The following SWAP70 variants were observed in gnomAD, a reference collection of about 807,000 sequenced individuals.
SWAP70 encodes switching B cell complex subunit SWAP70.
Under a neutral mutation model 80.2 loss-of-function variants are expected in SWAP70, and 34 were observed. The ratio of observed to expected loss-of-function variants is 0.42; its 90% confidence interval spans 0.32 to 0.56. The LOEUF (loss-of-function observed/expected upper bound fraction) is 0.56. Among genes scored for constraint, SWAP70 ranks in the 20% least tolerant of loss-of-function variants. The probability of loss-of-function intolerance (pLI) is 0.09; values close to 1 mark genes in which losing one functional copy is unlikely to be tolerated. For missense variants in SWAP70, 578 were observed against 690.7 expected (o/e 0.84, Z 1.83); for synonymous variants, 239 against 238.5 (o/e 1.00, Z -0.02).
chr11:9,738,023 T>G (rs1431249325), intron 7 of SWAP70, among the ~76,000 whole-genome samples, 190 bp from the exon 8 acceptor site: 2 of 152,280 alleles, frequency 1.3e-5, no homozygotes, highest in African/African-American at 4.8e-5. Context: ...TTACCTAATT[T>G]ATTTTGTATG....
chr11:9,711,018 T>TTATTTTTG (rs1363548220), intron 2 of SWAP70, among the ~76,000 whole-genome samples: 1 of 151,032 alleles, frequency 6.6e-6, no homozygotes, highest in Non-Finnish European at 1.5e-5. Context: ...ATTTATTTAT[T>TTATTTTTG]TATTTTTGTA....
At chr11:9,691,889 A>T (rs1850701791) in intron 1 of SWAP70, among the ~76,000 whole-genome samples, 1 of 152,142 alleles carries the variant, frequency 6.6e-6, no homozygotes, top group Non-Finnish European at 1.5e-5. Flanking sequence ...AAGGCTTTGG[A>T]TTAATCAGCT....
chr11:9,700,203 T>C (rs908408572), intron 2 of SWAP70, among the ~76,000 whole-genome samples: 1 of 152,110 alleles, frequency 6.6e-6, no homozygotes, highest in African/African-American at 2.4e-5. Context: ...GTTTTAAAAG[T>C]CAAAAATGAG....
chr11:9,687,708 T>G (rs1850649646), intron 1 of SWAP70, among the ~76,000 whole-genome samples: 1 of 152,206 alleles, frequency 6.6e-6, no homozygotes, highest in African/African-American at 2.4e-5. Flanking sequence ...TACTTTTCCT[T>G]AATCTGTCTG....
At chr11:9,711,393 G>T (rs1243631676) in intron 2 of SWAP70, among the ~76,000 whole-genome samples, 1 of 151,688 alleles carries the variant, frequency 6.6e-6, no homozygotes, top group Non-Finnish European at 1.5e-5. Context: ...TGCCTTTTAT[G>T]TGTGTGTGTG....
Position 9,687,631 on chromosome 11 carries a change from C to T in SWAP70, c.100-6515C>T, listed in dbSNP as rs904402204. Among the ~76,000 whole-genome samples, 3 of 152,166 alleles carry T rather than the reference C, an allele frequency of 2.0e-5. No homozygotes were observed. The South Asian group carries it at 6.2e-4, about 32-fold the overall frequency. On this transcript the variant is annotated intron_variant, in intron 1 of 11. Coordinates refer to ENST00000318950, the MANE Select transcript of SWAP70 (RefSeq NM_015055.4). ...GGTTCAGTTAGAGTGTAATCCAGTG[C>T]CATCCATGCTGTATGACATCAGTGG...
Position 9,728,180 on chromosome 11 carries a change from A to T in SWAP70, c.770A>T (p.Asp257Val). ...GATAAGAAAGGAGACATTCTCTTGG[A>T]TGAAAATTGCTGTGTAGAGGTGAGT... is the stretch of plus-strand genomic sequence containing the variant. ...LKDKKGDILLDENCCVESLPD... is the reference protein window; with the variant it reads ...LKDKKGDILLVENCCVESLPD... The change falls in exon 5 of 12, where the codon GAT becomes GTT. Residue 257 changes from aspartate (D) to valine (V), a missense_variant. Transcript: ENST00000318950. 2 of 1,611,192 alleles carry T rather than the reference A, an allele frequency of 1.2e-6. No individual in the cohort carries two copies. Among genetic ancestry groups the T allele is most frequent in the Non-Finnish European group, 1.7e-6 (2 of 1,178,992 alleles).
chr11:9,707,711 A>G (rs551990016), intron 2 of SWAP70, among the ~76,000 whole-genome samples: 5 of 151,870 alleles, frequency 3.3e-5, no homozygotes, highest in Admixed American at 2.6e-4. Flanking sequence ...GCCTGCCACC[A>G]TGCCTGGCTA....
At chr11:9,749,220 T>C (rs747902027) in intron 11 of SWAP70, 37 bp downstream of exon 11, 1 of 1,145,334 alleles carries the variant, frequency 8.7e-7, no homozygotes, top group South Asian at 2.4e-5. Context: ...TATTTATTTT[T>C]ATTTTTCATT....
intron 3 of SWAP70, among the ~76,000 whole-genome samples, chr11:9,714,330 G>A (rs1371587837): frequency 6.6e-6 from 1 of 152,138 alleles, no homozygotes; most frequent in East Asian, 1.9e-4. Context: ...TAACCTGCAA[G>A]TCTTCATTTT....
chr11:9,727,959 A>G (rs1488217924), intron 4 of SWAP70, 94 bp from the exon 5 acceptor site: 7 of 1,209,386 alleles, frequency 5.8e-6, no homozygotes, highest in Non-Finnish European at 7.8e-6. Flanking sequence ...AGGATCATAT[A>G]TCAAATAATG....
At chr11:9,694,498 C>T (rs557968519) in intron 2 of SWAP70, among the ~76,000 whole-genome samples, 7 of 152,252 alleles carry the variant, frequency 4.6e-5, no homozygotes, top group Non-Finnish European at 1.0e-4. Flanking sequence ...GTTTTTCCAA[C>T]TTGGTTCATT....
chr11:9,665,482 A>G (rs1394260876), intron 1 of SWAP70, among the ~76,000 whole-genome samples: 2 of 152,236 alleles, frequency 1.3e-5, no homozygotes, highest in Admixed American at 6.5e-5. Context: ...TTATATAACT[A>G]TCACCACAAC....
At chr11:9,671,319 T>A (rs1321140967) in intron 1 of SWAP70, among the ~76,000 whole-genome samples, 1 of 104,644 alleles carries the variant, frequency 9.6e-6, no homozygotes, top group East Asian at 2.9e-4. Context: ...TAAATATAAA[T>A]ATAAAAATAT....
At chr11:9,671,999 A>G (rs1171742802) in intron 1 of SWAP70, among the ~76,000 whole-genome samples, 1 of 117,100 alleles carries the variant, frequency 8.5e-6, no homozygotes, top group Non-Finnish European at 1.6e-5. Flanking sequence ...TTTATATAAT[A>G]TATAAAATAT....
At chr11:9,698,107 T>TC (rs1463994215) in intron 2 of SWAP70, among the ~76,000 whole-genome samples, 1 of 147,714 alleles carries the variant, frequency 6.8e-6, no homozygotes, top group Admixed American at 6.8e-5. Context: ...TTTGTTTTTT[T>TC]TTTTTTTTTT....
At chr11:9,732,838 T>A in intron 7 of SWAP70, 128 bp downstream of exon 7, 1 of 892,956 alleles carries the variant, frequency 1.1e-6, no homozygotes, top group Admixed American at 3.3e-5. Context: ...TGTGGTGAAC[T>A]GTTCTCAGAA....
chr11:9,681,725 T>C (rs900551107), intron 1 of SWAP70, among the ~76,000 whole-genome samples: 11 of 152,126 alleles, frequency 7.2e-5, no homozygotes, highest in Non-Finnish European at 1.6e-4. Context: ...TACAGTGAGA[T>C]ACAGAAGGCA....
chr11:9,729,666 G>A (rs959112375), intron 6 of SWAP70, among the ~76,000 whole-genome samples: 1 of 151,820 alleles, frequency 6.6e-6, no homozygotes, highest in East Asian at 1.9e-4. Flanking sequence ...TAATGTTTTT[G>A]TAATTTTAGT....
Sources: gnomAD v4.1 joint callset for allele counts (sites outside exome capture counted in the v4.1 genomes callset) on GRCh38, gnomAD v4.1.1 for gene constraint, MANE v1.5 for transcripts, NCBI Gene and HGNC (gene_info 2026-07-23, HGNC 2026-07-21) for gene names.